The following OXSR1 variants were observed in gnomAD, a reference collection of about 807,000 sequenced individuals.
The protein encoded by OXSR1 is serine/threonine-protein kinase OSR1.
In OXSR1, 24 loss-of-function variants were observed where a neutral mutation model predicts 79.8. That is an observed-to-expected ratio of 0.30 (90% CI 0.22 to 0.42). The LOEUF (loss-of-function observed/expected upper bound fraction) is 0.42. Among genes scored for constraint, OXSR1 ranks in the 10% least tolerant of loss-of-function variants. The pLI is 1.00. For synonymous variants in OXSR1, 226 were observed against 209.2 expected, an observed-to-expected ratio of 1.08 and a Z score of -0.69; for missense variants, 430 against 618.4, an observed-to-expected ratio of 0.70 and a Z score of 3.23.
intron 14 of OXSR1, among the ~76,000 whole-genome samples, chr3:38,248,975 C>G (rs1202743309): frequency 6.6e-6 from 1 of 152,274 alleles, no homozygotes; most frequent in Non-Finnish European, 1.5e-5. Context: ...GAACTATGTA[C>G]TTACACAGCT....
intron 10 of OXSR1, among the ~76,000 whole-genome samples, chr3:38,235,431 G>A (rs1300643489): frequency 2.0e-5 from 3 of 152,116 alleles, no homozygotes; most frequent in Non-Finnish European, 4.4e-5. Context: ...CAGCATTTGA[G>A]TAAAGAGAAT....
intron 5 of OXSR1, among the ~76,000 whole-genome samples, chr3:38,220,257 A>G (rs1430030300): frequency 3.9e-5 from 6 of 152,226 alleles, no homozygotes; most frequent in African/African-American, 1.4e-4. Context: ...GGCAGAATTC[A>G]TAGACTTCTG....
chr3:38,252,791 A>G lies in OXSR1; in HGVS notation c.1510-26A>G, dbSNP rs762671693. The G allele has an allele frequency of 3.2e-6, 5 of 1,574,596 alleles. No homozygotes were observed. In the Admixed American group the frequency reaches 8.4e-5, roughly 26 times the overall value. ...TGCAAGTTTGTTTATAAATAATCACAGTTTCTCATTTTGTTTGGTTCTTAG... is the reference window on the plus strand; with the variant it reads ...TGCAAGTTTGTTTATAAATAATCACGGTTTCTCATTTTGTTTGGTTCTTAG... On this transcript the variant is annotated intron_variant, in intron 17 of 17. Coordinates refer to ENST00000311806, the MANE Select transcript of OXSR1 (RefSeq NM_005109.3).
intron 1 of OXSR1, among the ~76,000 whole-genome samples, chr3:38,174,115 A>G (rs1490375711): frequency 6.6e-6 from 1 of 152,252 alleles, no homozygotes; most frequent in Admixed American, 6.5e-5. Context: ...AGAGTAAATC[A>G]GAAGGTGAAG....
At chr3:38,238,261 C>T (rs982299514) in intron 11 of OXSR1, among the ~76,000 whole-genome samples, 5 of 151,952 alleles carry the variant, frequency 3.3e-5, no homozygotes, top group Non-Finnish European at 4.4e-5. Flanking sequence ...TCTTTTAAAA[C>T]TAAATTGAAC....
intron 17 of OXSR1, 144 bp from the exon 18 acceptor site, chr3:38,252,673 A>C: frequency 3.0e-6 from 2 of 674,912 alleles, no homozygotes; most frequent in South Asian, 3.6e-5. Context: ...CTTTTCTGGA[A>C]TAAACACCTT....
chr3:38,188,535 A>G (rs1384513501), intron 2 of OXSR1, among the ~76,000 whole-genome samples: 1 of 152,188 alleles, frequency 6.6e-6, no homozygotes, highest in Admixed American at 6.5e-5. Context: ...CATGGTGGCA[A>G]CAGCTTAAAC....
upstream of OXSR1, among the ~76,000 whole-genome samples, chr3:38,164,490 A>T (rs1701388586): frequency 6.6e-6 from 1 of 152,224 alleles, no homozygotes; most frequent in Non-Finnish European, 1.5e-5. Context: ...AAAGGTGTCC[A>T]ACCTAGAACA....
At chr3:38,234,297 A>G (rs1429430545) in intron 10 of OXSR1, among the ~76,000 whole-genome samples, 2 of 152,232 alleles carry the variant, frequency 1.3e-5, no homozygotes, top group Admixed American at 1.3e-4. Context: ...AGACGCTGGC[A>G]AGAAAGTGAA....
chr3:38,231,704 A>G (rs907165322), intron 10 of OXSR1, among the ~76,000 whole-genome samples: 9 of 152,132 alleles, frequency 5.9e-5, no homozygotes, highest in Middle Eastern at 3.2e-3. Flanking sequence ...AATAATATGT[A>G]TATATTTTTA....
intron 2 of OXSR1, among the ~76,000 whole-genome samples, chr3:38,188,727 C>G (rs1378304139): frequency 6.6e-6 from 1 of 152,154 alleles, no homozygotes; most frequent in South Asian, 2.1e-4. Context: ...ATTAAACAAT[C>G]AACAATCTTA....
At chr3:38,252,433 A>G (rs1306083794) in intron 17 of OXSR1, 41 bp downstream of exon 17, 2 of 1,303,354 alleles carry the variant, frequency 1.5e-6, no homozygotes, top group Admixed American at 3.4e-5. Flanking sequence ...CTTGCCTTTT[A>G]TACACTGGCA....
intron 8 of OXSR1, among the ~76,000 whole-genome samples, chr3:38,228,371 AAG>A (rs750714990): frequency 1.3e-5 from 2 of 152,232 alleles, no homozygotes; most frequent in Non-Finnish European, 2.9e-5. Flanking sequence ...ATGAAAAAAT[AAG>A]AGTGATAATG....
intron 1 of OXSR1, among the ~76,000 whole-genome samples, chr3:38,171,399 G>T (rs1701579408): frequency 6.6e-6 from 1 of 152,166 alleles, no homozygotes. Context: ...AAGGGTTTGG[G>T]ATCATTTAAA....
At chr3:38,179,282 G>A (rs1210931847) in intron 1 of OXSR1, among the ~76,000 whole-genome samples, 1 of 151,988 alleles carries the variant, frequency 6.6e-6, no homozygotes, top group African/African-American at 2.4e-5. Context: ...CATCCACCTT[G>A]GCCTCCCGAA....
chr3:38,221,750 A>C, intron 6 of OXSR1, 63 bp downstream of exon 6: 1 of 941,938 alleles, frequency 1.1e-6, no homozygotes, highest in South Asian at 1.5e-5. Context: ...GAAAAAACTT[A>C]ATAGTGCTTG....
chr3:38,246,242 T>A (rs747876382), intron 13 of OXSR1, 21 bp downstream of exon 13: 18 of 1,612,738 alleles, frequency 1.1e-5, no homozygotes, highest in Middle Eastern at 1.7e-4. Context: ...GGATATGGTT[T>A]CATGGTCACT....
intron 9 of OXSR1, 71 bp from the exon 10 acceptor site, chr3:38,230,294 G>T: frequency 1.1e-6 from 1 of 919,888 alleles, no homozygotes; most frequent in Non-Finnish European, 1.8e-6. Context: ...TGATTATGGT[G>T]AACTTTTTTG....
intron 4 of OXSR1, among the ~76,000 whole-genome samples, chr3:38,200,282 A>G (rs1248302191): frequency 6.6e-6 from 1 of 151,856 alleles, no homozygotes; most frequent in Non-Finnish European, 1.5e-5. Flanking sequence ...GCTCTTTTTG[A>G]TATATGTCTG....
Sources: gnomAD v4.1 joint callset for allele counts (sites outside exome capture counted in the v4.1 genomes callset) on GRCh38, gnomAD v4.1.1 for gene constraint, MANE v1.5 for transcripts, NCBI Gene and HGNC (gene_info 2026-07-23, HGNC 2026-07-21) for gene names.